Variants in DCAF6 observed in about 807,000 individuals in gnomAD.
DCAF6 encodes the protein DDB1 and CUL4 associated factor 6, also known as DDB1- and CUL4-associated factor 6.
A neutral mutation model predicts 125.1 loss-of-function variants in DCAF6; 54 were observed. The ratio of observed to expected loss-of-function variants is 0.43; its 90% CI spans 0.35 to 0.54. DCAF6 has a LOEUF of 0.54. DCAF6 is among the 20% of genes least tolerant of loss of function. The probability of loss-of-function intolerance (pLI) is 0.01; values close to 1 mark genes in which losing one functional copy is unlikely to be tolerated. For synonymous variants in DCAF6, 371 were observed against 390.4 expected (o/e 0.95, Z 0.58); for missense variants, 934 against 1,161.7 (o/e 0.80, Z 2.85).
At chr1:167,966,750 A>C (rs750088510) in intron 3 of DCAF6, 29 bp downstream of exon 3, 2 of 1,339,766 alleles carry the variant, frequency 1.5e-6, no homozygotes. Flanking sequence ...TCTGTAATTT[A>C]ATGAGAGAAA....
At chr1:167,902,448 A>G in the DCAF6 span, among the ~76,000 whole-genome samples, 68 of 152,266 alleles carry the variant, frequency 4.5e-4, no homozygotes, top group Non-Finnish European at 8.5e-4. Flanking sequence ...AGGACTCCAC[A>G]AAAACTAGGA....
chr1:167,868,225 C>T, the DCAF6 span, among the ~76,000 whole-genome samples: 2 of 152,198 alleles, frequency 1.3e-5, no homozygotes, highest in East Asian at 1.9e-4. Context: ...CCTCATGTTA[C>T]GTTTGTGGAG....
At chr1:167,975,577 A>G (rs1390147265) in intron 4 of DCAF6, among the ~76,000 whole-genome samples, 1 of 152,212 alleles carries the variant, frequency 6.6e-6, no homozygotes, top group Non-Finnish European at 1.5e-5. Flanking sequence ...ATACAGGGTC[A>G]CACTGTCACT....
At position 167,973,047 on chromosome 1, in the gene DCAF6, C is replaced by T. The variant is rs545456469; in HGVS notation, c.253-1783C>T. Among the ~76,000 whole-genome samples the T allele has an allele frequency of 2.0e-4, 30 of 152,270 alleles. No individual in the cohort carries two copies. In the South Asian group the frequency reaches 2.9e-3, roughly 15 times the overall value. ...CAGCCAAAGCCAATGGCCTAACAAA[C>T]GAAGTAACTAATGGCTGTATGTAGT... On this transcript the variant is annotated intron_variant, in intron 3 of 21. Transcript: ENST00000367840.
chr1:167,949,749 TCTTCACAG>T (rs1215492959), intron 1 of DCAF6, among the ~76,000 whole-genome samples: 1 of 152,230 alleles, frequency 6.6e-6, no homozygotes, highest in Non-Finnish European at 1.5e-5. Context: ...TAGGCCAGAC[TCTTCACAG>T]CTTTTAATAG....
At position 167,945,662 on chromosome 1, in the gene DCAF6, T is replaced by TTG. The variant is rs757920140; in HGVS notation, c.98-6126_98-6125dup. Among the ~76,000 whole-genome samples, 101 of 151,920 alleles carry TTG rather than the reference T, an allele frequency of 6.6e-4. 1 individual carries two copies. The highest frequency in any genetic ancestry group is 1.8e-3 in the African/African-American group (74 of 41,440). On this transcript the variant is annotated intron_variant, in intron 1 of 21. Transcript: ENST00000367840. Reference sequence around the variant, plus strand: ...GCGCACCACTATGCCCAGCTAATTTTTGTGTGTGTGTGTATTTTTAGTAGA... The same window carrying TTG: ...GCGCACCACTATGCCCAGCTAATTTTTGTGTGTGTGTGTGTATTTTTAGTAGA...
the DCAF6 span, among the ~76,000 whole-genome samples, chr1:167,907,336 C>A: frequency 1.3e-5 from 2 of 152,172 alleles, no homozygotes; most frequent in African/African-American, 2.4e-5. Flanking sequence ...ATCTCAATGG[C>A]TTGAAATAAC....
the DCAF6 span, among the ~76,000 whole-genome samples, chr1:167,871,060 A>G: frequency 6.6e-6 from 1 of 152,108 alleles, no homozygotes; most frequent in Non-Finnish European, 1.5e-5. Flanking sequence ...ATCTAACCCT[A>G]AAGCTTGTTT....
chr1:168,017,322 C>T (rs749255770), intron 11 of DCAF6, among the ~76,000 whole-genome samples: 12 of 151,340 alleles, frequency 7.9e-5, no homozygotes, highest in Non-Finnish European at 1.3e-4. Context: ...AATAAAATGT[C>T]CCTACGTATA....
intron 10 of DCAF6, among the ~76,000 whole-genome samples, chr1:168,015,148 A>G (rs1257561505): frequency 6.6e-6 from 1 of 152,250 alleles, no homozygotes; most frequent in Non-Finnish European, 1.5e-5. Flanking sequence ...ATCTCTTTGC[A>G]GAATTTAATG....
intron 4 of DCAF6, among the ~76,000 whole-genome samples, chr1:167,984,906 T>G (rs1238131467): frequency 6.6e-6 from 1 of 152,076 alleles, no homozygotes; most frequent in Admixed American, 6.5e-5. Context: ...AGAAAGAGGT[T>G]TATTGGACTT....
chr1:168,021,995 T>C (rs1685727627), intron 11 of DCAF6, among the ~76,000 whole-genome samples: 1 of 152,132 alleles, frequency 6.6e-6, no homozygotes, highest in Non-Finnish European at 1.5e-5. Flanking sequence ...AGAGTTGCGC[T>C]TATTACCTAT....
At chr1:167,986,921 G>T (rs975009754) in intron 4 of DCAF6, among the ~76,000 whole-genome samples, 3 of 152,114 alleles carry the variant, frequency 2.0e-5, no homozygotes, top group African/African-American at 4.8e-5. Context: ...ATTAAAAAAG[G>T]TTTTTATGGT....
the DCAF6 span, among the ~76,000 whole-genome samples, chr1:167,876,951 C>T: frequency 7.9e-5 from 12 of 152,254 alleles, no homozygotes; most frequent in South Asian, 1.2e-3. Context: ...CCCTAGTTAT[C>T]CCAACTGAGG....
In DCAF6 at chr1:168,031,232, A is replaced by G. The variant is rs183953767; in HGVS notation, c.1610-7139A>G. Among the ~76,000 whole-genome samples, 29 of 152,322 alleles carry G rather than the reference A, an allele frequency of 1.9e-4. No homozygotes were observed. The East Asian group carries it at 4.4e-3, about 23-fold the overall frequency. On this transcript the variant is annotated intron_variant, in intron 12 of 21. Coordinates refer to ENST00000367840, the MANE Select transcript of DCAF6 (RefSeq NM_001198956.2). Reference sequence around the variant, plus strand: ...AGAGAGCTAAAACATCTCAAGAAAAATCAGAAAAATTCTAAAATTAAAAGA... The same window carrying G: ...AGAGAGCTAAAACATCTCAAGAAAAGTCAGAAAAATTCTAAAATTAAAAGA...
chr1:167,985,385 G>T (rs778822344), intron 4 of DCAF6, among the ~76,000 whole-genome samples: 7 of 152,108 alleles, frequency 4.6e-5, no homozygotes, highest in Non-Finnish European at 1.0e-4. Context: ...GCTTCTAGAG[G>T]CTACTTGCAT....
chr1:168,024,296 AC>A (rs1212859924), intron 12 of DCAF6, among the ~76,000 whole-genome samples: 2 of 152,010 alleles, frequency 1.3e-5, no homozygotes, highest in Non-Finnish European at 2.9e-5. Flanking sequence ...CCTTTCAAAA[AC>A]ATTTTTTAAA....
rs116559002 is a variant in DCAF6 at position 167,977,489 on chromosome 1, C to A, written c.438+2474C>A. On this transcript the variant is annotated intron_variant, in intron 4 of 21. Coordinates refer to ENST00000367840, the MANE Select transcript of DCAF6 (RefSeq NM_001198956.2). ...TGGTTCCTGTATAGGTAACCTGTTT[C>A]TTTTCCTTGACTACTTTTAATTTTG... 7.9e-3 allele frequency among the ~76,000 whole-genome samples: 1,208 copies of A among 152,074 alleles called. 14 individuals are homozygous for A. Among genetic ancestry groups the A allele is most frequent in the African/African-American group, 0.027 (1,137 of 41,508 alleles).
At chr1:168,034,572 C>T (rs1475013092) in intron 12 of DCAF6, among the ~76,000 whole-genome samples, 4 of 152,152 alleles carry the variant, frequency 2.6e-5, no homozygotes, top group Admixed American at 2.6e-4. Flanking sequence ...TTATTGTTTT[C>T]AGTTCATCAT....
Sources: gnomAD v4.1 joint callset for allele counts (sites outside exome capture counted in the v4.1 genomes callset) on GRCh38, gnomAD v4.1.1 for gene constraint, MANE v1.5 for transcripts, NCBI Gene and HGNC (gene_info 2026-07-23, HGNC 2026-07-21) for gene names.